RNF13: variants seen among roughly 807,000 people sequenced by gnomAD.
RNF13 encodes ring finger protein 13, also known as E3 ubiquitin-protein ligase RNF13.
A neutral mutation model predicts 37.7 loss-of-function variants in RNF13; 19 were observed. The observed-to-expected ratio is 0.50, with a 90% confidence interval of 0.35 to 0.74. The LOEUF (loss-of-function observed/expected upper bound fraction) is 0.74. RNF13 is among the 30% of genes least tolerant of loss of function. The pLI is 0.01. For synonymous variants in RNF13, 144 were observed against 157.8 expected (o/e 0.91, Z 0.65); for missense variants, 375 against 453.0 (o/e 0.83, Z 1.56).
chr3:149,878,430 G>T (rs1202829492), intron 4 of RNF13, among the ~76,000 whole-genome samples: 1 of 152,138 alleles, frequency 6.6e-6, no homozygotes, highest in Non-Finnish European at 1.5e-5. Context: ...TCTCAACATG[G>T]CCTGCAGTAG....
chr3:149,906,645 C>CTTTTTTTTTTTTTTTT (rs35801459), intron 6 of RNF13, among the ~76,000 whole-genome samples: 2 of 79,154 alleles, frequency 2.5e-5, no homozygotes, highest in Non-Finnish European at 2.2e-5. Flanking sequence ...TTCAATTCTG[C>CTTTTTTTTTTTTTTTT]TTTTTTTTTT....
chr3:149,891,498 TATA>T (rs1402510541), intron 4 of RNF13, among the ~76,000 whole-genome samples: 1 of 152,238 alleles, frequency 6.6e-6, no homozygotes, highest in Non-Finnish European at 1.5e-5. Flanking sequence ...ACTGGCTATT[TATA>T]ATAACAAGCC....
intron 1 of RNF13, among the ~76,000 whole-genome samples, chr3:149,833,007 A>T (rs941877733): frequency 3.3e-5 from 5 of 151,934 alleles, no homozygotes; most frequent in African/African-American, 1.2e-4. Flanking sequence ...AAGAGGGAAC[A>T]CCTCCTAACT....
chr3:149,882,788 A>G (rs1194590805), intron 4 of RNF13, among the ~76,000 whole-genome samples: 2 of 152,158 alleles, frequency 1.3e-5, no homozygotes, highest in Non-Finnish European at 2.9e-5. Flanking sequence ...AAATTAATCT[A>G]TTTAAAGTTA....
At chr3:149,854,053 C>G (rs1469685189) in intron 3 of RNF13, among the ~76,000 whole-genome samples, 1 of 151,806 alleles carries the variant, frequency 6.6e-6, no homozygotes, top group Non-Finnish European at 1.5e-5. Flanking sequence ...CCAGGCTGGT[C>G]TTGAACTCCT....
At chr3:149,861,811 T>C (rs1009809547) in intron 3 of RNF13, among the ~76,000 whole-genome samples, 1 of 152,162 alleles carries the variant, frequency 6.6e-6, no homozygotes, top group Non-Finnish European at 1.5e-5. Flanking sequence ...CACATAGAAA[T>C]GATAAATACT....
At chr3:149,932,481 G>T (rs990180270) in intron 8 of RNF13, among the ~76,000 whole-genome samples, 2 of 152,046 alleles carry the variant, frequency 1.3e-5, no homozygotes, top group South Asian at 4.1e-4. Context: ...CTATTAGCCC[G>T]TAAAATCAAA....
intron 2 of RNF13, among the ~76,000 whole-genome samples, chr3:149,848,195 A>G (rs6792702): frequency 0.7 from 106,090 of 151,880 alleles, 37,600 homozygotes; most frequent in East Asian, 0.9. Flanking sequence ...TTTTTAATTT[A>G]GAGACAAAAA....
chr3:149,888,770 TG>T (rs1224949613), intron 4 of RNF13, among the ~76,000 whole-genome samples: 1 of 152,206 alleles, frequency 6.6e-6, no homozygotes, highest in African/African-American at 2.4e-5. Flanking sequence ...GTGTGTAGCC[TG>T]GACATATACA....
intron 3 of RNF13, among the ~76,000 whole-genome samples, chr3:149,860,270 A>AAATATAT (rs1302318768): frequency 4.5e-4 from 47 of 104,086 alleles, no homozygotes; most frequent in African/African-American, 1.8e-3. Flanking sequence ...AAAAAAAAAA[A>AAATATAT]ATATATATAT....
At chr3:149,959,861 AT>A (rs1722210787) in intron 8 of RNF13, 194 bp from the exon 9 acceptor site, 3 of 424,768 alleles carry the variant, frequency 7.1e-6, no homozygotes, top group Non-Finnish European at 1.3e-5. Context: ...TTTGTCATCA[AT>A]TTTTAACTAG....
intron 1 of RNF13, among the ~76,000 whole-genome samples, chr3:149,824,694 ATATAGT>A (rs1720312474): frequency 6.6e-6 from 1 of 151,960 alleles, no homozygotes; most frequent in African/African-American, 2.4e-5. Flanking sequence ...ATACACACAA[ATATAGT>A]TAGGTAGATT....
chr3:149,941,318 C>G (rs1720237633), intron 8 of RNF13, among the ~76,000 whole-genome samples: 1 of 152,112 alleles, frequency 6.6e-6, no homozygotes, highest in African/African-American at 2.4e-5. Context: ...ACATTCCCAT[C>G]ACCAGTGCAC....
chr3:149,953,728 A>G (rs531870816), intron 8 of RNF13, among the ~76,000 whole-genome samples: 9 of 152,302 alleles, frequency 5.9e-5, no homozygotes, highest in Admixed American at 5.9e-4. Flanking sequence ...TCCCCCATTT[A>G]TTGGCTGTGT....
Position 149,961,113 on chromosome 3 carries a change from A to G in RNF13, c.*9A>G, listed in dbSNP as rs538123007. ...TAGCAAATACTGTTTGACTTTCAGA[A>G]GATGATTGGTTTATTTCCCTTTAAA... is the stretch of plus-strand genomic sequence containing the variant. On this transcript the variant is annotated 3_prime_UTR_variant, in exon 10 of 10. Coordinates refer to ENST00000392894, the MANE Select transcript of RNF13 (RefSeq NM_183381.3). The G allele has an allele frequency of 1.3e-6, 2 of 1,586,654 alleles. No individual in the cohort carries two copies. The highest frequency in any genetic ancestry group is 1.7e-6 in the Non-Finnish European group (2 of 1,165,538).
chr3:149,909,926 AG>A (rs1716814656), intron 6 of RNF13, among the ~76,000 whole-genome samples: 1 of 144,962 alleles, frequency 6.9e-6, no homozygotes, highest in Non-Finnish European at 1.5e-5. Context: ...AGTGTGCCTT[AG>A]GAAGTCATAA....
At chr3:149,855,963 C>CACT (rs1723608597) in intron 3 of RNF13, among the ~76,000 whole-genome samples, 1 of 152,168 alleles carries the variant, frequency 6.6e-6, no homozygotes, top group Non-Finnish European at 1.5e-5. Context: ...TATTCCTTCT[C>CACT]ACTGAAGAGC....
intron 4 of RNF13, among the ~76,000 whole-genome samples, chr3:149,888,186 A>T (rs1427888878): frequency 1.2e-4 from 19 of 152,326 alleles, no homozygotes; most frequent in Admixed American, 1.2e-3. Context: ...TAATAAAATT[A>T]TGACTTGTCA....
chr3:149,815,177 T>C (rs1265839525), intron 1 of RNF13, among the ~76,000 whole-genome samples: 1 of 152,204 alleles, frequency 6.6e-6, no homozygotes, highest in East Asian at 1.9e-4. Flanking sequence ...TAACGTAGAT[T>C]TATCAGAACT....
Sources: gnomAD v4.1 joint callset for allele counts (sites outside exome capture counted in the v4.1 genomes callset) on GRCh38, gnomAD v4.1.1 for gene constraint, MANE v1.5 for transcripts, NCBI Gene and HGNC (gene_info 2026-07-23, HGNC 2026-07-21) for gene names.